Variants in PLCG2 observed in about 807,000 individuals in gnomAD.
PLCG2 encodes the protein 1-phosphatidylinositol 4,5-bisphosphate phosphodiesterase gamma-2.
A neutral mutation model predicts 175.6 loss-of-function variants in PLCG2; 69 were observed. That is an observed-to-expected ratio of 0.39 (90% CI 0.32 to 0.48). The LOEUF is 0.48. Ranked by LOEUF, PLCG2 falls within the 20% of genes least tolerant of loss-of-function variation. The pLI is 0.91. For missense variants in PLCG2, 1,798 were observed against 1,650.9 expected (o/e 1.09, Z -1.54); for synonymous variants, 827 against 624.0 (o/e 1.33, Z -4.85).
intron 2 of PLCG2, among the ~76,000 whole-genome samples, chr16:81,822,655 G>T (rs1327424660): frequency 1.3e-5 from 2 of 149,452 alleles, no homozygotes; most frequent in African/African-American, 4.9e-5. Context: ...TACTCAGAAG[G>T]CTGAGGCAGG....
chr16:81,824,806 C>T (rs975197036), intron 2 of PLCG2, among the ~76,000 whole-genome samples: 4 of 152,144 alleles, frequency 2.6e-5, no homozygotes, highest in East Asian at 1.9e-4. Context: ...TCTTTGGAAC[C>T]TGTGGATATG....
intron 2 of PLCG2, among the ~76,000 whole-genome samples, chr16:81,850,493 C>A (rs979009701): frequency 6.6e-6 from 1 of 152,302 alleles, no homozygotes; most frequent in South Asian, 2.1e-4. Flanking sequence ...CCATCTTTTA[C>A]TGACCGTGCG....
At chr16:81,771,850 C>G (rs982370072) in intron 2 of PLCG2, among the ~76,000 whole-genome samples, 2 of 152,178 alleles carry the variant, frequency 1.3e-5, no homozygotes, top group African/African-American at 4.8e-5. Flanking sequence ...AGGGCAGGAT[C>G]TCCGCTCACT....
In PLCG2 at chr16:81,958,129, C is replaced by A; in HGVS notation, c.*131C>A. 1.4e-6 allele frequency: 1 copy of A among 706,122 alleles called. No individual in the cohort carries two copies. The highest frequency in any genetic ancestry group is 2.6e-6 in the Non-Finnish European group (1 of 386,902). 43.7% of individuals were successfully genotyped at this position (706,122 alleles called of 1,614,324 possible). A position where few individuals can be genotyped will look rare whatever the true frequency, so the allele number is the denominator to read the frequency against. On this transcript the variant is annotated 3_prime_UTR_variant, in exon 33 of 33. Transcript: ENST00000564138. ...TTTTCTTCAAGCCTGCCATCAAGGA[C>A]ATTTCTTAAGACCCAACTGGCATGA...
At chr16:81,953,907 C>G (rs200649912) in intron 31 of PLCG2, among the ~76,000 whole-genome samples, 3 of 152,068 alleles carry the variant, frequency 2.0e-5, no homozygotes, top group Non-Finnish European at 4.4e-5. Context: ...GAACTTGCGC[C>G]CGAATAACAA....
chr16:81,829,752 C>G (rs1324265989), intron 2 of PLCG2, among the ~76,000 whole-genome samples: 1 of 152,188 alleles, frequency 6.6e-6, no homozygotes. Flanking sequence ...CCATTGGTGA[C>G]AAGAGCCATT....
chr16:81,861,242 A>G (rs747745213), intron 5 of PLCG2, among the ~76,000 whole-genome samples: 7 of 152,176 alleles, frequency 4.6e-5, no homozygotes, highest in Non-Finnish European at 7.3e-5. Context: ...ATATGTCATT[A>G]TCCCATCTAG....
chr16:81,830,576 G>T (rs977556751), intron 2 of PLCG2, among the ~76,000 whole-genome samples: 1 of 151,972 alleles, frequency 6.6e-6, no homozygotes, highest in Non-Finnish European at 1.5e-5. Flanking sequence ...CCAAAGTGCT[G>T]GGATTACAGG....
intron 9 of PLCG2, among the ~76,000 whole-genome samples, chr16:81,886,133 G>A (rs1392143135): frequency 2.0e-5 from 3 of 152,136 alleles, no homozygotes; most frequent in African/African-American, 7.2e-5. Flanking sequence ...AAGTAGCCTC[G>A]CATCCTAGAA....
chr16:81,823,756 C>G (rs1034673679), intron 2 of PLCG2, among the ~76,000 whole-genome samples: 3 of 151,064 alleles, frequency 2.0e-5, no homozygotes, highest in Non-Finnish European at 4.4e-5. Flanking sequence ...CCTTGAATTC[C>G]TGGCCTCAAG....
At chr16:81,869,823 G>C (rs934962427) in intron 6 of PLCG2, among the ~76,000 whole-genome samples, 2 of 152,150 alleles carry the variant, frequency 1.3e-5, no homozygotes, top group Admixed American at 1.3e-4. Flanking sequence ...GGGCAGTAAA[G>C]CCACTCCATG....
At chr16:81,783,244 T>A (rs1260816337) in intron 1 of PLCG2, 1 of 394,796 alleles carries the variant, frequency 2.5e-6, no homozygotes, top group Non-Finnish European at 5.0e-6. Context: ...GTCAACATAG[T>A]GAAGAGCTCT....
chr16:81,818,581 G>A (rs1191721060), intron 2 of PLCG2, among the ~76,000 whole-genome samples: 2 of 152,124 alleles, frequency 1.3e-5, no homozygotes, highest in African/African-American at 4.8e-5. Context: ...TCTGCTTGGT[G>A]GGGGCTGTGT....
chr16:81,914,677 GCT>G (rs1909766274), intron 19 of PLCG2, among the ~76,000 whole-genome samples: 1 of 152,202 alleles, frequency 6.6e-6, no homozygotes, highest in South Asian at 2.1e-4. Flanking sequence ...CCCAGTCCTT[GCT>G]CTCTCAGGCT....
intron 2 of PLCG2, among the ~76,000 whole-genome samples, chr16:81,827,485 G>A (rs529679819): frequency 5.3e-5 from 8 of 152,000 alleles, no homozygotes; most frequent in African/African-American, 1.7e-4. Context: ...CACTGTACCC[G>A]GCCTGCATTT....
intron 26 of PLCG2, among the ~76,000 whole-genome samples, chr16:81,935,146 A>T (rs1204137504): frequency 6.6e-6 from 1 of 152,204 alleles, no homozygotes; most frequent in Non-Finnish European, 1.5e-5. Context: ...TGAAATCAGT[A>T]TCATGAGGTC....
At chr16:81,766,589 T>C (rs1316096154) in intron 2 of PLCG2, 1 of 152,716 alleles carries the variant, frequency 6.5e-6, no homozygotes, top group Non-Finnish European at 1.5e-5. Flanking sequence ...TATATTCATC[T>C]GCTCTGCTAA....
Position 81,770,874 on chromosome 16 carries a change from C to T in PLCG2, c.-48+14908C>T, listed in dbSNP as rs566562320. On this transcript the variant is annotated intron_variant, in intron 2 of 5. Transcript: ENST00000565054. ...GAGATCGAGACCATCCTGGCTAACA[C>T]GGTGAAATCCCATCTCTACTAAAAA... 9.2e-5 allele frequency among the ~76,000 whole-genome samples: 14 copies of T among 151,880 alleles called. 1 individual carries two copies. Among genetic ancestry groups the T allele is most frequent in the South Asian group, 6.2e-4 (3 of 4,806 alleles).
At chr16:81,779,530 C>T (rs1290045168) in intron 1 of PLCG2, 106 bp downstream of exon 1, 4 of 151,940 alleles carry the variant, frequency 2.6e-5, no homozygotes, top group Admixed American at 2.6e-4. Flanking sequence ...CGTCCTGGCT[C>T]AGCCGGAGCG....
Sources: allele counts gnomAD v4.1 joint callset (sites outside exome capture counted in the v4.1 genomes callset), GRCh38; gene constraint gnomAD v4.1.1; transcripts MANE v1.5; gene names NCBI Gene and HGNC (gene_info 2026-07-23, HGNC 2026-07-21).